VPS13B: variants seen among roughly 807,000 people sequenced by gnomAD.
VPS13B encodes intermembrane lipid transfer protein VPS13B.
Under a neutral mutation model 426.4 loss-of-function variants are expected in VPS13B, and 285 were observed. The ratio of observed to expected loss-of-function variants is 0.67; its 90% CI spans 0.61 to 0.74. The LOEUF is 0.74. Ranked by LOEUF, VPS13B falls within the 30% of genes least tolerant of loss-of-function variation. The pLI is 0.00. For synonymous variants in VPS13B, 1,676 were observed against 1,676.4 expected (o/e 1.00, Z 0.01); for missense variants, 4,537 against 4,782.6 (o/e 0.95, Z 1.51).
At chr8:99,384,653 G>C (rs1814016525) in intron 20 of VPS13B, among the ~76,000 whole-genome samples, 1 of 152,096 alleles carries the variant, frequency 6.6e-6, no homozygotes, top group Non-Finnish European at 1.5e-5. Context: ...CTCAGTAAAT[G>C]AATGTTGGCT....
In VPS13B at chr8:99,117,037, T is replaced by C. The variant is rs559626357; in HGVS notation, c.937+1163T>C. On this transcript the variant is annotated intron_variant, in intron 7 of 61. Transcript: ENST00000357162. ...TTGATAAATATCATGAATGATCTGA[T>C]GTAGAAAGATGAAAGGATGACTGAT... Among the ~76,000 whole-genome samples, 8 of 72,186 alleles carry C rather than the reference T, an allele frequency of 1.1e-4. No homozygotes were observed. The East Asian group carries it at 2.2e-3, about 20-fold the overall frequency. 47.4% of individuals were successfully genotyped at this position (72,186 alleles called of 152,430 possible).
rs1276030398 is a variant in VPS13B at position 99,427,382 on chromosome 8, G to A, written c.3083-4155G>A. 5.6e-5 allele frequency among the ~76,000 whole-genome samples: 8 copies of A among 143,286 alleles called. No homozygotes were observed. In the East Asian group the frequency reaches 1.7e-3, roughly 31 times the overall value. 94.0% of individuals were successfully genotyped at this position (143,286 alleles called of 152,430 possible). ...AGCTTTGTTCTTTTGGCTTAGGATT[G>A]ACTTGGCAATGCGGGCTCTTTTTTG... On this transcript the variant is annotated intron_variant, in intron 21 of 61. Transcript: ENST00000357162.
chr8:99,114,081 G>A (rs761450380), intron 6 of VPS13B, among the ~76,000 whole-genome samples: 28 of 151,320 alleles, frequency 1.9e-4, no homozygotes, highest in Non-Finnish European at 3.2e-4. Context: ...GAAATTCTGT[G>A]CATAGAACTT....
At chr8:99,588,866 G>T (rs958450141) in intron 33 of VPS13B, among the ~76,000 whole-genome samples, 22 of 151,904 alleles carry the variant, frequency 1.4e-4, no homozygotes, top group African/African-American at 4.9e-4. Flanking sequence ...TAGGAGTGGT[G>T]AGAGAGGGCA....
intron 33 of VPS13B, among the ~76,000 whole-genome samples, chr8:99,634,584 A>G (rs1298692859): frequency 6.6e-6 from 1 of 152,030 alleles, no homozygotes; most frequent in Admixed American, 6.6e-5. Flanking sequence ...CATTTTTGCC[A>G]TTCAACTGGG....
In VPS13B at chr8:99,726,927, T is replaced by C. The variant is rs377022545; in HGVS notation, c.7050+5880T>C. Among the ~76,000 whole-genome samples, 46 of 152,322 alleles carry C rather than the reference T, an allele frequency of 3.0e-4. No homozygotes were observed. The East Asian group carries it at 3.1e-3, about 10-fold the overall frequency. On this transcript the variant is annotated intron_variant, in intron 39 of 61. Coordinates refer to ENST00000357162, the MANE Select transcript of VPS13B (RefSeq NM_152564.5). ...AACTTTCTAAGACACAGAGAGAACC[T>C]AAATGGTAGAGATCTCTGTTATTTT... is the stretch of plus-strand genomic sequence containing the variant.
rs184046726 is a variant in VPS13B, at chr8:99,656,632, C to A, written c.5909-4722C>A. Among the ~76,000 whole-genome samples, 58 of 152,188 alleles carry A rather than the reference C, an allele frequency of 3.8e-4. 1 individual carries two copies. In the East Asian group the frequency reaches 0.01, roughly 27 times the overall value. ...GGACAGGAAGACTAGGAGTCATGCCCCTCATTTTCTAGCCATTAGAGCATA... is the reference window on the plus strand; with the variant it reads ...GGACAGGAAGACTAGGAGTCATGCCACTCATTTTCTAGCCATTAGAGCATA... On this transcript the variant is annotated intron_variant, in intron 34 of 61. Transcript: ENST00000357162.
At chr8:99,366,487 G>A (rs189350409) in intron 19 of VPS13B, among the ~76,000 whole-genome samples, 3 of 146,906 alleles carry the variant, frequency 2.0e-5, no homozygotes, top group African/African-American at 5.0e-5. Context: ...TGGGTGAAGT[G>A]TGTTTCTGTA....
At chr8:99,538,556 G>A (rs1360197159) in intron 30 of VPS13B, among the ~76,000 whole-genome samples, 3 of 152,046 alleles carry the variant, frequency 2.0e-5, no homozygotes, top group Non-Finnish European at 4.4e-5. Flanking sequence ...TTGTTTATTT[G>A]AAGAGCCAGT....
chr8:99,794,446 T>C (rs1812706538), intron 43 of VPS13B, among the ~76,000 whole-genome samples: 2 of 152,196 alleles, frequency 1.3e-5, no homozygotes, highest in African/African-American at 4.8e-5. Flanking sequence ...TTCTGGTCCA[T>C]AGAAATTATT....
At chr8:99,467,131 A>G (rs985487554) in intron 23 of VPS13B, among the ~76,000 whole-genome samples, 1 of 152,148 alleles carries the variant, frequency 6.6e-6, no homozygotes, top group African/African-American at 2.4e-5. Flanking sequence ...GTTTCACAAT[A>G]CAACCAACTA....
At chr8:99,645,501 TTC>T (rs1441350957) in intron 34 of VPS13B, among the ~76,000 whole-genome samples, 1 of 152,198 alleles carries the variant, frequency 6.6e-6, no homozygotes, top group Non-Finnish European at 1.5e-5. Flanking sequence ...CTCTTTGACT[TTC>T]TGTTTTCTTA....
At chr8:99,812,641 A>G (rs1027624158) in intron 44 of VPS13B, among the ~76,000 whole-genome samples, 7 of 152,216 alleles carry the variant, frequency 4.6e-5, no homozygotes, top group African/African-American at 7.2e-5. Context: ...GGAACTTTGT[A>G]TGTTCTACAA....
At chr8:99,679,260 C>T (rs1289854482) in intron 35 of VPS13B, among the ~76,000 whole-genome samples, 1 of 152,040 alleles carries the variant, frequency 6.6e-6, no homozygotes, top group Non-Finnish European at 1.5e-5. Flanking sequence ...GAGTATATGC[C>T]ATCATTGAAA....
chr8:99,149,086 G>T (rs1810912801), intron 14 of VPS13B, among the ~76,000 whole-genome samples: 1 of 152,210 alleles, frequency 6.6e-6, no homozygotes, highest in African/African-American at 2.4e-5. Context: ...TGCCTTCATG[G>T]CATGGATTTG....
Position 99,870,906 on chromosome 8 carries a change from G to C in VPS13B, c.11495+19G>C, listed in dbSNP as rs370575091. The stretch of plus-strand genomic sequence containing the variant: ...ATGTCTGGTAAAATTATTGAGATAC[G>C]TGCTCAACTTTACATCCATATTGTA... On this transcript the variant is annotated intron_variant, in intron 60 of 61. Coordinates refer to ENST00000357162, the MANE Select transcript of VPS13B (RefSeq NM_152564.5). The C allele has an allele frequency of 6.2e-7, 1 of 1,608,260 alleles. No individual in the cohort carries two copies.
chr8:99,517,276 G>A (rs796974799), intron 29 of VPS13B, among the ~76,000 whole-genome samples: 24 of 152,240 alleles, frequency 1.6e-4, no homozygotes, highest in African/African-American at 5.3e-4. Flanking sequence ...TATATTATCT[G>A]ACAGTTGCAT....
At chr8:99,867,016 G>T (rs1386481047) in intron 58 of VPS13B, among the ~76,000 whole-genome samples, 10 of 152,206 alleles carry the variant, frequency 6.6e-5, no homozygotes, top group Non-Finnish European at 1.2e-4. Context: ...TGTTGCCTCA[G>T]GTCATTCTGA....
intron 24 of VPS13B, among the ~76,000 whole-genome samples, chr8:99,474,378 G>C (rs1267369241): frequency 6.6e-6 from 1 of 151,852 alleles, no homozygotes; most frequent in African/African-American, 2.4e-5. Context: ...TGTAGAGACA[G>C]GGTTTCACCT....
Sources: gnomAD v4.1 joint callset for allele counts (sites outside exome capture counted in the v4.1 genomes callset) on GRCh38, gnomAD v4.1.1 for gene constraint, MANE v1.5 for transcripts, NCBI Gene and HGNC (gene_info 2026-07-23, HGNC 2026-07-21) for gene names.